Variants in DRAXIN observed in about 807,000 individuals in gnomAD.
The protein encoded by DRAXIN is dorsal inhibitory axon guidance protein, also known as dorsal repulsive axon guidance protein.
DRAXIN carries 27 observed loss-of-function variants against 33.9 expected under a neutral mutation model. The ratio of observed to expected loss-of-function variants is 0.80; its 90% CI spans 0.59 to 1.10. The LOEUF is 1.10. DRAXIN is among the 50% of genes least tolerant of loss of function. The pLI is 0.00. For synonymous variants in DRAXIN, 178 were observed against 194.0 expected, an observed-to-expected ratio of 0.92 and a Z score of 0.69; for missense variants, 371 against 460.8, an observed-to-expected ratio of 0.81 and a Z score of 1.78.
chr1:11,709,373 C>A lies in DRAXIN; in HGVS notation c.550C>A (p.Leu184Met), dbSNP rs758607919. The change falls in exon 3 of 7, where the codon CTG becomes ATG. Residue 184 changes from leucine to methionine, a missense_variant. Transcript: ENST00000294485. ...AGCCATGGAGGAATCCTCCACCAGCCTGGCGCCCACCATGTTCTTTCTCAC... is the reference window on the plus strand; with the variant it reads ...AGCCATGGAGGAATCCTCCACCAGCATGGCGCCCACCATGTTCTTTCTCAC... ...DAAMEESSTS[L>M]APTMFFLTTF... 13 of 1,614,084 alleles carry A rather than the reference C, an allele frequency of 8.1e-6. No individual in the cohort carries two copies. In the South Asian group the frequency reaches 1.3e-4, roughly 16 times the overall value.
In DRAXIN at chr1:11,705,806, G is replaced by C. The variant is rs1641368748; in HGVS notation, c.-10-443G>C. On this transcript the variant is annotated intron_variant, in intron 1 of 6. Coordinates refer to ENST00000294485, the MANE Select transcript of DRAXIN (RefSeq NM_198545.4). This position sits in a 1 kb window ranked among gnomAD's most constrained non-coding sequence, Gnocchi z 4.8. ...TATTATTCCATTTGTATGGAATTAG[G>C]CTCCGAGTCAAGTCTCAGGGGCCAG... is the stretch of plus-strand genomic sequence containing the variant. Among the ~76,000 whole-genome samples the C allele has an allele frequency of 6.6e-6, 1 of 152,126 alleles. No individual in the cohort carries two copies. Among genetic ancestry groups the C allele is most frequent in the Admixed American group, 6.5e-5 (1 of 15,276 alleles).
At chr1:11,697,662 T>G (rs1641212494) in intron 1 of DRAXIN, among the ~76,000 whole-genome samples, 1 of 152,114 alleles carries the variant, frequency 6.6e-6, no homozygotes, top group Admixed American at 6.5e-5. Context: ...CAGGTGCCCT[T>G]GTCTGGCATC....
At chr1:11,693,195 A>G (rs1557685085) in intron 1 of DRAXIN, among the ~76,000 whole-genome samples, 1 of 151,862 alleles carries the variant, frequency 6.6e-6, no homozygotes, top group Non-Finnish European at 1.5e-5. Context: ...TAAAACAATC[A>G]GGGCCAATGG....
At position 11,725,785 on chromosome 1, in the gene DRAXIN, GC is replaced by G. The variant is rs1265604215; in HGVS notation, c.*6092del. On this transcript the variant is annotated 3_prime_UTR_variant, in exon 7 of 7. Coordinates refer to ENST00000294485, the MANE Select transcript of DRAXIN (RefSeq NM_198545.4). The stretch of plus-strand genomic sequence containing the variant: ...CGGCAGGGGGAGGGGGAAGTGCCAC[GC>G]CCTTGTAGTTTCATGATGTCATGTT... The G allele has an allele frequency of 6.6e-6, 1 of 152,112 alleles. No homozygotes were observed. The highest frequency in any genetic ancestry group is 1.9e-4 in the East Asian group (1 of 5,180). 9.4% of individuals were successfully genotyped at this position (152,112 alleles called of 1,614,324 possible).
Position 11,705,907 on chromosome 1 carries a change from A to T in DRAXIN, c.-10-342A>T, listed in dbSNP as rs569349976. ...AAGGGGCAGAGGTTTGTGCAGAGAAAGGAATTCTGGACTAATCTGGAACTT... is the reference window on the plus strand; with the variant it reads ...AAGGGGCAGAGGTTTGTGCAGAGAATGGAATTCTGGACTAATCTGGAACTT... On this transcript the variant is annotated intron_variant, in intron 1 of 6. Coordinates refer to ENST00000294485, the MANE Select transcript of DRAXIN (RefSeq NM_198545.4). This position sits in a 1 kb window ranked among gnomAD's most constrained non-coding sequence, Gnocchi z 4.8. 6.6e-6 allele frequency among the ~76,000 whole-genome samples: 1 copy of T among 152,254 alleles called. No homozygotes were observed. The highest frequency in any genetic ancestry group is 1.9e-4 in the East Asian group (1 of 5,172).
At position 11,696,362 on chromosome 1, in the gene DRAXIN, C is replaced by A. The variant is rs1325547174; in HGVS notation, c.-11+4509C>A. ...CAGCACTTTGGGAGACAGAGGCAGG[C>A]GGATCATGAGGTCAGGAGTTCGAGA... On this transcript the variant is annotated intron_variant, in intron 1 of 6. Transcript: ENST00000294485. The surrounding 1 kb of genome is among the most constrained non-coding windows in gnomAD (Gnocchi z 4.7). Among the ~76,000 whole-genome samples the A allele has an allele frequency of 6.6e-6, 1 of 152,048 alleles. No individual in the cohort carries two copies. Among genetic ancestry groups the A allele is most frequent in the Non-Finnish European group, 1.5e-5 (1 of 67,984 alleles).
intron 3 of DRAXIN, among the ~76,000 whole-genome samples, chr1:11,709,682 C>A (rs541760572): frequency 1.3e-5 from 2 of 152,330 alleles, no homozygotes; most frequent in South Asian, 4.1e-4. Context: ...GGGCAAAGTG[C>A]TCCTGGGGGC....
At chr1:11,713,654 C>T (rs987727579) in intron 5 of DRAXIN, among the ~76,000 whole-genome samples, 5 of 151,976 alleles carry the variant, frequency 3.3e-5, no homozygotes, top group Non-Finnish European at 7.4e-5. Context: ...TATGGGAGGC[C>T]GAGGCGGGAG....
rs568225575 is a variant in DRAXIN at position 11,696,817 on chromosome 1, G to A, written c.-11+4964G>A. 6.6e-5 allele frequency among the ~76,000 whole-genome samples: 10 copies of A among 151,972 alleles called. No individual in the cohort carries two copies. In the East Asian group the frequency reaches 1.2e-3, roughly 18 times the overall value. ...CTCCTGGTTTCAGTGAGCCAAGATC[G>A]CGCCACTGCACTCCAGCCTGGTGAC... On this transcript the variant is annotated intron_variant, in intron 1 of 6. Transcript: ENST00000294485. The surrounding 1 kb of genome is among the most constrained non-coding windows in gnomAD (Gnocchi z 4.7).
chr1:11,689,107 G>C (rs1641014207), upstream of DRAXIN, among the ~76,000 whole-genome samples: 1 of 151,920 alleles, frequency 6.6e-6, no homozygotes, highest in Non-Finnish European at 1.5e-5. Flanking sequence ...ACCCGCCTGG[G>C]CAACATGGCG....
chr1:11,714,713 C>A (rs530322446), intron 5 of DRAXIN, among the ~76,000 whole-genome samples: 2 of 152,382 alleles, frequency 1.3e-5, no homozygotes, highest in South Asian at 4.1e-4. Context: ...TGGGAGCCGG[C>A]TCCATGGCAG....
At chr1:11,703,916 G>A (rs1641339754) in intron 1 of DRAXIN, among the ~76,000 whole-genome samples, 1 of 152,198 alleles carries the variant, frequency 6.6e-6, no homozygotes. Flanking sequence ...GCTTCGGGGT[G>A]TTGGAGTGGG....
At position 11,721,577 on chromosome 1, in the gene DRAXIN, T is replaced by C. The variant is rs74685476; in HGVS notation, c.*1881T>C. ...AGGCACCAAGGAAAGCAGGCAGATC[T>C]AGAAGAAATTAAATATGCTTGTTCT... On this transcript the variant is annotated 3_prime_UTR_variant, in exon 7 of 7. Coordinates refer to ENST00000294485, the MANE Select transcript of DRAXIN (RefSeq NM_198545.4). 2,428 of 152,424 alleles carry C rather than the reference T, an allele frequency of 0.016. 36 individuals carry two copies. Among genetic ancestry groups the C allele is most frequent in the African/African-American group, 0.036 (1,478 of 41,550 alleles). 9.4% of individuals were successfully genotyped at this position (152,424 alleles called of 1,614,324 possible).
rs528587219 is a variant in DRAXIN at position 11,722,687 on chromosome 1, G to C, written c.*2991G>C. ...TTTGCAAGCCATCTGATCTCCACCA[G>C]CTACTCAGCTCTGCCGTAGCTCGAA... is the stretch of plus-strand genomic sequence containing the variant. On this transcript the variant is annotated 3_prime_UTR_variant, in exon 7 of 7. Coordinates refer to ENST00000294485, the MANE Select transcript of DRAXIN (RefSeq NM_198545.4). 6.5e-6 allele frequency: 1 copy of C among 154,256 alleles called. No individual in the cohort carries two copies. The highest frequency in any genetic ancestry group is 2.4e-5 in the African/African-American group (1 of 41,634). The allele number at this position is 154,256 out of a possible 1,614,324, so 9.6% of individuals were successfully genotyped here.
In DRAXIN at chr1:11,719,676, G is replaced by C; in HGVS notation, c.1030G>C (p.Gly344Arg). The C allele has an allele frequency of 6.2e-7, 1 of 1,614,066 alleles. No individual in the cohort carries two copies. Among genetic ancestry groups the C allele is most frequent in the Non-Finnish European group, 8.5e-7 (1 of 1,179,952 alleles). ...VEPETANGDQ[G>R]SFINV ...GCCCGAGACGGCCAACGGCGACCAG[G>C]GATCCTTCATCAACGTCTAGCGGCC... is the stretch of plus-strand genomic sequence containing the variant. The change falls in exon 7 of 7, where the codon GGA becomes CGA. Residue 344 changes from glycine (G) to arginine (R), a missense_variant. Coordinates refer to ENST00000294485, the MANE Select transcript of DRAXIN (RefSeq NM_198545.4).
At chr1:11,716,528 C>T (rs896417185) in intron 6 of DRAXIN, among the ~76,000 whole-genome samples, 5 of 152,208 alleles carry the variant, frequency 3.3e-5, no homozygotes, top group Admixed American at 6.5e-5. Flanking sequence ...ATACATGCCC[C>T]GTTTTGCTCA....
intron 1 of DRAXIN, among the ~76,000 whole-genome samples, chr1:11,701,740 G>A (rs1233143082): frequency 1.3e-5 from 2 of 152,190 alleles, no homozygotes; most frequent in African/African-American, 4.8e-5. Context: ...GGGCTGCGGG[G>A]AGGCGGAGGG....
chr1:11,688,648 G>A (rs960956891), upstream of DRAXIN, among the ~76,000 whole-genome samples: 1 of 152,082 alleles, frequency 6.6e-6, no homozygotes, highest in Non-Finnish European at 1.5e-5. This position sits in a 1 kb window ranked among gnomAD's most constrained non-coding sequence, Gnocchi z 4.6. Context: ...CCTCTAAAAA[G>A]CTCAAGTCCT....
chr1:11,692,957 G>A lies in DRAXIN; in HGVS notation c.-11+1104G>A, dbSNP rs1641105190. Among the ~76,000 whole-genome samples the A allele has an allele frequency of 6.6e-6, 1 of 151,880 alleles. No homozygotes were observed. The highest frequency in any genetic ancestry group is 1.5e-5 in the Non-Finnish European group (1 of 67,962). On this transcript the variant is annotated intron_variant, in intron 1 of 6. Coordinates refer to ENST00000294485, the MANE Select transcript of DRAXIN (RefSeq NM_198545.4). This position sits in a 1 kb window ranked among gnomAD's most constrained non-coding sequence, Gnocchi z 5.8. ...ACACCCTGTGGAGGAAGGGAGGGGA[G>A]GGGAGGGGAGTCTACAGACCTGGGA... is the stretch of plus-strand genomic sequence containing the variant.
Sources: allele counts gnomAD v4.1 joint callset (sites outside exome capture counted in the v4.1 genomes callset), GRCh38; gene constraint gnomAD v4.1.1; non-coding constraint Gnocchi (gnomAD v3.1); transcripts MANE v1.5; gene names NCBI Gene and HGNC (gene_info 2026-07-23, HGNC 2026-07-21).